SCARA5: variants seen among roughly 807,000 people sequenced by gnomAD.
SCARA5 encodes the protein scavenger receptor class A member 5.
A neutral mutation model predicts 46.3 loss-of-function variants in SCARA5; 45 were observed. The ratio of observed to expected loss-of-function variants is 0.97; its 90% CI spans 0.76 to 1.24. The LOEUF (loss-of-function observed/expected upper bound fraction) is 1.24, where lower values mean the gene tolerates loss of function less well. SCARA5 is among the 50% of genes most tolerant of loss of function. The pLI is 0.00. For missense variants in SCARA5, 680 were observed against 689.0 expected (o/e 0.99, Z 0.15); for synonymous variants, 333 against 306.5 (o/e 1.09, Z -0.90).
At chr8:27,973,104 C>T (rs1808471536) in intron 2 of SCARA5, among the ~76,000 whole-genome samples, 1 of 152,200 alleles carries the variant, frequency 6.6e-6, no homozygotes, top group Non-Finnish European at 1.5e-5. Context: ...CTGTCTATTA[C>T]ATTCGCCGTA....
At chr8:27,944,555 C>T (rs1308926875) in intron 3 of SCARA5, among the ~76,000 whole-genome samples, 1 of 152,016 alleles carries the variant, frequency 6.6e-6, no homozygotes, top group African/African-American at 2.4e-5. Flanking sequence ...GTAGGTTTAA[C>T]ATTTTTTAAA....
chr8:27,915,089 CA>C (rs1357453355), intron 4 of SCARA5, among the ~76,000 whole-genome samples: 1 of 152,328 alleles, frequency 6.6e-6, no homozygotes, highest in African/African-American at 2.4e-5. Context: ...GGCCGGCTGA[CA>C]GGGTAGAGTG....
chr8:27,887,331 C>T (rs182414950), intron 7 of SCARA5, among the ~76,000 whole-genome samples: 4 of 152,232 alleles, frequency 2.6e-5, no homozygotes, highest in East Asian at 1.9e-4. Context: ...CAGGTGAGGG[C>T]GTTAGGTGCA....
At chr8:27,920,918 G>A (rs1428736690) in intron 4 of SCARA5, among the ~76,000 whole-genome samples, 1 of 152,126 alleles carries the variant, frequency 6.6e-6, no homozygotes, top group African/African-American at 2.4e-5. Flanking sequence ...GGAGCTTGCA[G>A]TGAGCTGAGA....
At chr8:27,923,546 G>C (rs1807633637) in intron 3 of SCARA5, among the ~76,000 whole-genome samples, 1 of 152,090 alleles carries the variant, frequency 6.6e-6, no homozygotes, top group African/African-American at 2.4e-5. Context: ...TCTTTGTGTT[G>C]TTTGTTTGTT....
At chr8:27,986,798 G>A (rs753559624) in intron 2 of SCARA5, among the ~76,000 whole-genome samples, 2 of 152,202 alleles carry the variant, frequency 1.3e-5, no homozygotes, top group Non-Finnish European at 2.9e-5. Flanking sequence ...TCTTTGCAAG[G>A]CTCCTCAGTA....
At chr8:27,989,581 C>T (rs1006029789) in intron 1 of SCARA5, among the ~76,000 whole-genome samples, 2 of 152,216 alleles carry the variant, frequency 1.3e-5, no homozygotes, top group Admixed American at 6.5e-5. Context: ...GTACATCCCC[C>T]ATAACGGGCA....
chr8:27,887,049 G>C (rs1806907618), intron 7 of SCARA5, among the ~76,000 whole-genome samples: 1 of 152,176 alleles, frequency 6.6e-6, no homozygotes, highest in South Asian at 2.1e-4. Flanking sequence ...GTGAAATTCA[G>C]AGACTCCTAG....
At chr8:27,909,891 C>CG (rs1563521517) in intron 4 of SCARA5, 148 bp from the exon 5 acceptor site, 4 of 534,222 alleles carry the variant, frequency 7.5e-6, no homozygotes, top group Non-Finnish European at 6.7e-6. Context: ...AGCCCAGTCT[C>CG]GGGGGGCATC....
At chr8:27,940,278 G>A (rs1216739564) in intron 3 of SCARA5, among the ~76,000 whole-genome samples, 4 of 152,126 alleles carry the variant, frequency 2.6e-5, no homozygotes, top group African/African-American at 4.8e-5. Flanking sequence ...CCACTTGCCA[G>A]GAATCTAGGC....
chr8:27,905,020 A>G (rs939706), intron 6 of SCARA5, among the ~76,000 whole-genome samples, 186 bp from the exon 7 acceptor site: 146,008 of 152,120 alleles, frequency 0.96, 70,375 homozygotes, highest in Middle Eastern at 1. Flanking sequence ...TGGGTACCCC[A>G]AGAAGGAGGA....
chr8:27,978,024 G>GT (rs11357387), intron 2 of SCARA5, among the ~76,000 whole-genome samples: 3,129 of 106,612 alleles, frequency 0.029, 104 homozygotes, highest in African/African-American at 0.057. Context: ...TGTGTCTTTT[G>GT]TTTTTTTTTT....
At chr8:27,920,178 C>A (rs1807560404) in intron 4 of SCARA5, among the ~76,000 whole-genome samples, 1 of 152,194 alleles carries the variant, frequency 6.6e-6, no homozygotes, top group African/African-American at 2.4e-5. Context: ...GCATTTTTGC[C>A]ATTATAGTTA....
chr8:27,910,992 C>CT (rs1166867930), intron 4 of SCARA5, among the ~76,000 whole-genome samples: 2 of 152,190 alleles, frequency 1.3e-5, no homozygotes, highest in Admixed American at 6.5e-5. Context: ...CACATGTGAC[C>CT]TGCCCACGTC....
intron 3 of SCARA5, among the ~76,000 whole-genome samples, chr8:27,922,586 C>G (rs1807616984): frequency 6.6e-6 from 1 of 152,192 alleles, no homozygotes; most frequent in Non-Finnish European, 1.5e-5. Context: ...TCTAGTGTAA[C>G]TATCATAGGT....
At position 27,921,825 on chromosome 8, in the gene SCARA5, G is replaced by A; in HGVS notation, c.662C>T (p.Ala221Val). ...GCCGCGCAGCACGCCGCCCACGTCG[G>A]CCAGCTCCTCGCCCAGGATGCCCAC... ...RRVGILGEEL[A>V]DVGGVLRGLN... Residue 221 changes from alanine to valine, a missense_variant, in exon 4 of 9, where the codon GCC (alanine) becomes GTC (valine). By Grantham distance (64) the Ala-to-Val change is moderately conservative (BLOSUM62 0). Coordinates refer to ENST00000354914, the MANE Select transcript of SCARA5 (RefSeq NM_173833.6). 6.5e-7 allele frequency: 1 copy of A among 1,547,284 alleles called. No individual in the cohort carries two copies.
At chr8:27,940,396 C>A (rs1807924281) in intron 3 of SCARA5, among the ~76,000 whole-genome samples, 1 of 152,124 alleles carries the variant, frequency 6.6e-6, no homozygotes, top group African/African-American at 2.4e-5. Flanking sequence ...AGATCGTGGA[C>A]ACTTTGAGCC....
At chr8:27,925,827 A>G (rs758688508) in intron 3 of SCARA5, among the ~76,000 whole-genome samples, 1 of 152,258 alleles carries the variant, frequency 6.6e-6, no homozygotes, top group Non-Finnish European at 1.5e-5. Flanking sequence ...ACATCTATGC[A>G]GCCAACAGAC....
At chr8:27,988,036 A>G (rs537092869) in intron 1 of SCARA5, among the ~76,000 whole-genome samples, 1 of 152,320 alleles carries the variant, frequency 6.6e-6, no homozygotes, top group East Asian at 1.9e-4. Context: ...AGCCCGGGGC[A>G]TGCCAGAGAG....
Sources: allele counts gnomAD v4.1 joint callset (sites outside exome capture counted in the v4.1 genomes callset), GRCh38; gene constraint gnomAD v4.1.1; transcripts MANE v1.5; gene names NCBI Gene and HGNC (gene_info 2026-07-23, HGNC 2026-07-21).